Variants in ASB9 observed in about 807,000 individuals in gnomAD.
ASB9 encodes the protein ankyrin repeat and SOCS box protein 9.
ASB9 carries 5 observed loss-of-function variants against 16.6 expected under a neutral mutation model. The observed-to-expected ratio is 0.30, with a 90% CI of 0.16 to 0.63. The LOEUF (loss-of-function observed/expected upper bound fraction) is 0.63. Among genes scored for constraint, ASB9 ranks in the 30% least tolerant of loss-of-function variants. ASB9 has a pLI of 0.82. For synonymous variants in ASB9, 100 were observed against 86.4 expected (o/e 1.16, Z -0.87); for missense variants, 216 against 229.4 (o/e 0.94, Z 0.38).
chrX:15,262,051 T>C lies in ASB9; in HGVS notation c.95-3106A>G, dbSNP rs752915604. On this transcript the variant is annotated intron_variant, in intron 1 of 6. Transcript: ENST00000380488. ...AATGAAACCATACAGTATGTGGTACTTTGCAACTGGCTTCTTTTATTTAGC... is the reference window on the plus strand; with the variant it reads ...AATGAAACCATACAGTATGTGGTACCTTGCAACTGGCTTCTTTTATTTAGC... Among the ~76,000 whole-genome samples the C allele has an allele frequency of 3.6e-5, 4 of 111,753 alleles. No individual in the cohort carries two copies. In the South Asian group the frequency reaches 1.5e-3, roughly 42 times the overall value.
chrX:15,245,647 C>A (rs1458465447), intron 6 of ASB9, among the ~76,000 whole-genome samples: 1 of 111,537 alleles, frequency 9.0e-6, no homozygotes. Context: ...GACGCTGAGT[C>A]CCCCCAACCA....
At chrX:15,253,314 G>A (rs755905081) in intron 3 of ASB9, among the ~76,000 whole-genome samples, 4 of 108,440 alleles carry the variant, frequency 3.7e-5, no homozygotes, top group Admixed American at 9.8e-5. Flanking sequence ...AAACTCCGCC[G>A]GGCACGGTGG....
chrX:15,257,518 A>G (rs1372419757), intron 2 of ASB9, among the ~76,000 whole-genome samples: 1 of 111,994 alleles, frequency 8.9e-6, no homozygotes, highest in Non-Finnish European at 1.9e-5. Flanking sequence ...TAACACAAAA[A>G]GTTTTCACCA....
At chrX:15,245,994 C>T (rs760116699) in intron 6 of ASB9, among the ~76,000 whole-genome samples, 58 of 111,924 alleles carry the variant, frequency 5.2e-4, no homozygotes, top group African/African-American at 1.9e-3. Context: ...AAATGAACGG[C>T]TTCCCAGTGT....
intron 1 of ASB9, among the ~76,000 whole-genome samples, chrX:15,264,482 A>T (rs1926229405): frequency 8.9e-6 from 1 of 111,750 alleles, no homozygotes; most frequent in African/African-American, 3.3e-5. Flanking sequence ...TCTAACATGA[A>T]ACAAATCTCT....
intron 3 of ASB9, among the ~76,000 whole-genome samples, chrX:15,253,606 T>TA (rs1925305737): frequency 9.0e-6 from 1 of 111,063 alleles, no homozygotes; most frequent in Admixed American, 9.6e-5. Context: ...TCTCAAAAAT[T>TA]AAAAAAATAA....
At chrX:15,269,664 T>C in intron 1 of ASB9, 117 bp downstream of exon 1, 2 of 469,133 alleles carry the variant, frequency 4.3e-6, no homozygotes, top group South Asian at 1.0e-4. Flanking sequence ...TGTGGACATC[T>C]GCCCAGTAAC....
At chrX:15,254,993 A>C (rs1324310623) in intron 2 of ASB9, 149 bp from the exon 3 acceptor site, 4 of 443,143 alleles carry the variant, frequency 9.0e-6, no homozygotes, top group Non-Finnish European at 1.6e-5. Context: ...TTAAAAAAAA[A>C]AAAATGCCAC....
At chrX:15,259,250 T>C (rs915023088) in intron 1 of ASB9, 1 of 213,598 alleles carries the variant, frequency 4.7e-6, no homozygotes, top group African/African-American at 2.8e-5. Context: ...CAAAGGCAAA[T>C]GGCCCATTTA....
intron 6 of ASB9, among the ~76,000 whole-genome samples, chrX:15,245,416 A>T (rs1024209592): frequency 1.5e-5 from 1 of 67,034 alleles, no homozygotes; most frequent in East Asian, 6.4e-4. Flanking sequence ...CAAAATGTCA[A>T]TAGCGTCAAG....
rs777672612 is a variant in ASB9, at chrX:15,248,738, A to C, written c.760+6T>G. On this transcript the variant is annotated splice_donor_region_variant and intron_variant, in intron 6 of 6. Coordinates refer to ENST00000380488, the MANE Select transcript of ASB9 (RefSeq NM_001031739.3). Reference sequence around the variant, plus strand: ...GATTAGGGCTTAGGTTTTGGCAAAGAAGCACCTTCTCTCTCCAAGAAGAGC... The same window carrying C: ...GATTAGGGCTTAGGTTTTGGCAAAGCAGCACCTTCTCTCTCCAAGAAGAGC... The C allele has an allele frequency of 8.3e-7, 1 of 1,200,696 alleles. No homozygotes were observed. Among genetic ancestry groups the C allele is most frequent in the Non-Finnish European group, 1.1e-6 (1 of 888,888 alleles).
intron 1 of ASB9, among the ~76,000 whole-genome samples, chrX:15,268,768 C>T (rs1331722613): frequency 2.8e-5 from 3 of 106,373 alleles, no homozygotes; most frequent in Non-Finnish European, 5.8e-5. Context: ...GAGTCGAGAT[C>T]GCGCCACTGC....
intron 6 of ASB9, among the ~76,000 whole-genome samples, chrX:15,248,015 A>G (rs1924807346): frequency 8.9e-6 from 1 of 112,247 alleles, no homozygotes. Context: ...TCAAAGTCCC[A>G]GAATCCCTAA....
chrX:15,263,854 C>T (rs2147656966), intron 1 of ASB9, among the ~76,000 whole-genome samples: 1 of 112,042 alleles, frequency 8.9e-6, no homozygotes, highest in African/African-American at 3.2e-5. Flanking sequence ...TGTCAGTCTT[C>T]AGGCAAAACC....
chrX:15,269,642 A>G, intron 1 of ASB9, 139 bp downstream of exon 1: 2 of 383,368 alleles, frequency 5.2e-6, no homozygotes, highest in South Asian at 1.5e-4. Flanking sequence ...TAAAGAATAT[A>G]TACCAGTGAG....
intron 1 of ASB9, among the ~76,000 whole-genome samples, chrX:15,265,162 C>T (rs1316611071): frequency 8.9e-6 from 1 of 111,862 alleles, no homozygotes; most frequent in Non-Finnish European, 1.9e-5. Flanking sequence ...ACCACAGCCC[C>T]TCTGTAGGAC....
At chrX:15,267,083 A>G (rs985391688) in intron 1 of ASB9, among the ~76,000 whole-genome samples, 2 of 113,803 alleles carry the variant, frequency 1.8e-5, no homozygotes, top group African/African-American at 6.4e-5. Flanking sequence ...TCCCATAATG[A>G]TTGGTTTGCT....
intron 6 of ASB9, 186 bp downstream of exon 6, chrX:15,248,558 A>G: frequency 4.1e-6 from 3 of 736,067 alleles, no homozygotes; most frequent in Non-Finnish European, 5.5e-6. Flanking sequence ...CAGGACAGTT[A>G]TTTACTGTAC....
chrX:15,247,372 T>C (rs183741173), intron 6 of ASB9, among the ~76,000 whole-genome samples: 38 of 111,928 alleles, frequency 3.4e-4, no homozygotes, highest in African/African-American at 1.2e-3. Flanking sequence ...TCTCTAGGAA[T>C]GGCTTTGGGA....
Sources: allele counts gnomAD v4.1 joint callset (sites outside exome capture counted in the v4.1 genomes callset), GRCh38; gene constraint gnomAD v4.1.1; transcripts MANE v1.5; gene names NCBI Gene and HGNC (gene_info 2026-07-23, HGNC 2026-07-21).